The following CACNA2D3 variants were observed in gnomAD, a reference collection of about 807,000 sequenced individuals.
CACNA2D3 encodes the protein voltage-dependent calcium channel subunit alpha-2/delta-3.
CACNA2D3 carries 60 observed loss-of-function variants against 160.6 expected under a neutral mutation model. That is an observed-to-expected ratio of 0.37 (90% confidence interval 0.30 to 0.46). The LOEUF (loss-of-function observed/expected upper bound fraction) is 0.46, where lower values mean the gene tolerates loss of function less well. Ranked by LOEUF, CACNA2D3 falls within the 20% of genes least tolerant of loss-of-function variation. CACNA2D3 has a pLI of 1.00. For synonymous variants in CACNA2D3, 558 were observed against 492.9 expected (o/e 1.13, Z -1.75); for missense variants, 1,205 against 1,365.0 (o/e 0.88, Z 1.85).
Position 54,736,158 on chromosome 3 carries a change from CACACACAG to C in CACNA2D3, c.1168-16433_1168-16426del, listed in dbSNP as rs1231627209. Among the ~76,000 whole-genome samples the C allele has an allele frequency of 4.1e-4, 54 of 130,410 alleles. 2 individuals are homozygous for C. The highest frequency in any genetic ancestry group is 7.9e-4 in the African/African-American group (26 of 32,854). 85.6% of individuals were successfully genotyped at this position (130,410 alleles called of 152,430 possible). A position where few individuals can be genotyped will look rare whatever the true frequency, so the allele number is the denominator to read the frequency against. ...ATATATATACACACACACACACACA[CACACACAG>C]ACACACATAAATGGGATCAGACTGT... On this transcript the variant is annotated intron_variant, in intron 11 of 37. Transcript: ENST00000474759.
At chr3:55,016,097 A>G (rs1452323918) in intron 34 of CACNA2D3, among the ~76,000 whole-genome samples, 1 of 152,190 alleles carries the variant, frequency 6.6e-6, no homozygotes, top group East Asian at 1.9e-4. Context: ...GTTCCCTCCA[A>G]TGAGCTAGCA....
intron 3 of CACNA2D3, among the ~76,000 whole-genome samples, chr3:54,360,748 T>C (rs1239874972): frequency 3.3e-5 from 5 of 152,282 alleles, no homozygotes; most frequent in Middle Eastern, 3.4e-3. Flanking sequence ...TGTATTTATA[T>C]ATCATTCATA....
At chr3:54,752,118 T>C (rs1026842757) in intron 11 of CACNA2D3, among the ~76,000 whole-genome samples, 6 of 152,226 alleles carry the variant, frequency 3.9e-5, no homozygotes. Flanking sequence ...TATCTTCTAA[T>C]ATCATGCCAG....
intron 14 of CACNA2D3, 53 bp from the exon 15 acceptor site, chr3:54,837,106 G>T: frequency 6.6e-7 from 1 of 1,522,492 alleles, no homozygotes; most frequent in Non-Finnish European, 9.1e-7. Context: ...GTGGCCTCCA[G>T]AACTGTGGTT....
intron 2 of CACNA2D3, among the ~76,000 whole-genome samples, chr3:54,231,368 G>A (rs898621690): frequency 6.6e-6 from 1 of 152,198 alleles, no homozygotes; most frequent in Non-Finnish European, 1.5e-5. Flanking sequence ...GCAAGATGGG[G>A]CAGTGTTACT....
chr3:54,244,710 A>G lies in CACNA2D3; in HGVS notation c.205-75732A>G, dbSNP rs115596430. 8.6e-3 allele frequency among the ~76,000 whole-genome samples: 1,317 copies of G among 152,364 alleles called. 21 individuals are homozygous for G. The highest frequency in any genetic ancestry group is 0.03 in the African/African-American group (1,257 of 41,574). ...GATGAGATCACATGTAGAGGTGTTTACCAAACATTTTAATATTTAAATCAA... is the reference window on the plus strand; with the variant it reads ...GATGAGATCACATGTAGAGGTGTTTGCCAAACATTTTAATATTTAAATCAA... On this transcript the variant is annotated intron_variant, in intron 2 of 37. Coordinates refer to ENST00000474759, the MANE Select transcript of CACNA2D3 (RefSeq NM_018398.3).
intron 2 of CACNA2D3, among the ~76,000 whole-genome samples, chr3:54,164,068 G>T (rs1359290983): frequency 6.6e-6 from 1 of 152,210 alleles, no homozygotes; most frequent in Non-Finnish European, 1.5e-5. Flanking sequence ...TCATGTAGCA[G>T]TTAGCCAGGT....
At chr3:54,422,228 G>A (rs1346138516) in intron 4 of CACNA2D3, among the ~76,000 whole-genome samples, 6 of 152,200 alleles carry the variant, frequency 3.9e-5, no homozygotes, top group East Asian at 3.9e-4. Flanking sequence ...GGTTTCCAGC[G>A]GCTAATGTGC....
At chr3:54,470,713 G>A (rs914602979) in intron 4 of CACNA2D3, among the ~76,000 whole-genome samples, 2 of 152,088 alleles carry the variant, frequency 1.3e-5, no homozygotes, top group Non-Finnish European at 2.9e-5. Context: ...AAGGGATGGA[G>A]GAATATTTAC....
intron 35 of CACNA2D3, among the ~76,000 whole-genome samples, chr3:55,034,127 GA>G (rs1226122728): frequency 6.6e-6 from 1 of 150,942 alleles, no homozygotes; most frequent in Non-Finnish European, 1.5e-5. Flanking sequence ...GATCCTTGGG[GA>G]AAAAAAATGC....
intron 27 of CACNA2D3, chr3:54,924,952 G>A (rs775505448): frequency 6.2e-7 from 1 of 1,611,322 alleles, no homozygotes; most frequent in East Asian, 2.2e-5. Context: ...AAAGCTCCAG[G>A]GGCCAGATTT....
intron 17 of CACNA2D3, among the ~76,000 whole-genome samples, chr3:54,857,681 G>A (rs1036571058): frequency 6.6e-6 from 1 of 152,088 alleles, no homozygotes; most frequent in African/African-American, 2.4e-5. Flanking sequence ...CTGTTCTCAG[G>A]GACTTCTGAG....
intron 2 of CACNA2D3, among the ~76,000 whole-genome samples, chr3:54,191,090 T>C (rs1219325621): frequency 6.6e-6 from 1 of 151,870 alleles, no homozygotes; most frequent in Non-Finnish European, 1.5e-5. Context: ...TTGGATTTGT[T>C]TTAATCAGTC....
At chr3:54,170,043 C>T (rs1227684820) in intron 2 of CACNA2D3, among the ~76,000 whole-genome samples, 5 of 151,902 alleles carry the variant, frequency 3.3e-5, no homozygotes, top group Non-Finnish European at 7.4e-5. Context: ...CAAAAATTAG[C>T]CAGGCGTGGT....
At chr3:54,685,234 G>A (rs903968847) in intron 11 of CACNA2D3, among the ~76,000 whole-genome samples, 2 of 152,152 alleles carry the variant, frequency 1.3e-5, no homozygotes, top group Non-Finnish European at 1.5e-5. Flanking sequence ...AAGAAAAACC[G>A]TTCAATTGAA....
At chr3:54,585,659 A>G (rs1009750529) in intron 9 of CACNA2D3, among the ~76,000 whole-genome samples, 6 of 152,222 alleles carry the variant, frequency 3.9e-5, no homozygotes, top group African/African-American at 1.4e-4. Flanking sequence ...GGCAGCAGGC[A>G]AGAGAGCATG....
At chr3:54,803,206 C>T (rs6805736) in intron 13 of CACNA2D3, among the ~76,000 whole-genome samples, 28,631 of 152,132 alleles carry the variant, frequency 0.19, 2,822 homozygotes, top group South Asian at 0.21. Flanking sequence ...CAAAGCTGGA[C>T]GGAGAATGAC....
chr3:54,237,523 A>T (rs1701906112), intron 2 of CACNA2D3, among the ~76,000 whole-genome samples: 1 of 152,210 alleles, frequency 6.6e-6, no homozygotes, highest in Non-Finnish European at 1.5e-5. Flanking sequence ...AAGCATTTTT[A>T]TAGATTTACA....
At chr3:54,439,405 G>A (rs887262732) in intron 4 of CACNA2D3, among the ~76,000 whole-genome samples, 6 of 152,116 alleles carry the variant, frequency 3.9e-5, no homozygotes, top group Non-Finnish European at 7.4e-5. Context: ...TGAGGGCTTC[G>A]GGCAGGGAAG....
Sources: gnomAD v4.1 joint callset for allele counts (sites outside exome capture counted in the v4.1 genomes callset) on GRCh38, gnomAD v4.1.1 for gene constraint, MANE v1.5 for transcripts, NCBI Gene and HGNC (gene_info 2026-07-23, HGNC 2026-07-21) for gene names.